The following TRRAP variants were observed in gnomAD, a reference collection of about 807,000 sequenced individuals.
TRRAP encodes the protein transformation/transcription domain-associated protein.
Under a neutral mutation model 438.8 loss-of-function variants are expected in TRRAP, and 41 were observed. That is an observed-to-expected ratio of 0.09 (90% CI 0.07 to 0.12). The LOEUF is 0.12. Among genes scored for constraint, TRRAP ranks in the 10% least tolerant of loss-of-function variants. The pLI is 1.00. For missense variants in TRRAP, 3,122 were observed against 5,055.1 expected, an observed-to-expected ratio of 0.62 and a Z score of 11.60; for synonymous variants, 1,994 against 1,962.9, an observed-to-expected ratio of 1.02 and a Z score of -0.42.
chr7:98,914,863 G>A (rs1037844666), intron 18 of TRRAP, among the ~76,000 whole-genome samples: 1 of 151,134 alleles, frequency 6.6e-6, no homozygotes, highest in African/African-American at 2.4e-5. Context: ...AATATATTCT[G>A]CCATATACCA....
chr7:98,891,656 C>G (rs1312033798), intron 4 of TRRAP, among the ~76,000 whole-genome samples: 6 of 151,814 alleles, frequency 4.0e-5, no homozygotes, highest in Non-Finnish European at 7.4e-5. Flanking sequence ...CTGCCTCAGC[C>G]TCCCGAGTAG....
chr7:98,965,661 A>G, intron 48 of TRRAP, 35 bp from the exon 49 acceptor site: 1 of 1,612,292 alleles, frequency 6.2e-7, no homozygotes, highest in Non-Finnish European at 8.5e-7. Flanking sequence ...CAACGTTTAG[A>G]GACCCGTGGG....
At chr7:98,890,076 A>G (rs1182202748) in intron 3 of TRRAP, among the ~76,000 whole-genome samples, 1 of 152,210 alleles carries the variant, frequency 6.6e-6, no homozygotes, top group East Asian at 1.9e-4. Context: ...AAGCTAGTAC[A>G]GGTTCCAGGT....
chr7:98,953,469 C>T (rs782146298), intron 40 of TRRAP, 36 bp downstream of exon 40: 7 of 1,596,816 alleles, frequency 4.4e-6, no homozygotes, highest in African/African-American at 2.7e-5. Flanking sequence ...CCGACATCAG[C>T]GTGAATCTCA....
intron 7 of TRRAP, among the ~76,000 whole-genome samples, chr7:98,896,564 C>T (rs1554405777): frequency 6.6e-6 from 1 of 151,722 alleles, no homozygotes; most frequent in East Asian, 1.9e-4. Flanking sequence ...CGTGCGGCAC[C>T]CACCCAGCTA....
intron 70 of TRRAP, 57 bp from the exon 71 acceptor site, chr7:99,010,995 C>G (rs1455792117): frequency 2.6e-6 from 4 of 1,540,634 alleles, no homozygotes; most frequent in Non-Finnish European, 3.5e-6. Context: ...GAGAATTTTT[C>G]TTTTCCAAAA....
At chr7:98,966,322 A>C (rs1305004662) in intron 49 of TRRAP, among the ~76,000 whole-genome samples, 1 of 152,096 alleles carries the variant, frequency 6.6e-6, no homozygotes, top group Non-Finnish European at 1.5e-5. Flanking sequence ...AAAAAAAGAA[A>C]GATGGATTTT....
chr7:98,977,947 A>G (rs796353058), intron 56 of TRRAP, among the ~76,000 whole-genome samples: 19 of 152,268 alleles, frequency 1.2e-4, no homozygotes, highest in African/African-American at 4.6e-4. Context: ...CAGGTCTGTG[A>G]TTCAGCCTGC....
At chr7:98,953,488 A>G in intron 40 of TRRAP, 55 bp downstream of exon 40, 14 of 1,588,054 alleles carry the variant, frequency 8.8e-6, no homozygotes, top group Non-Finnish European at 1.2e-5. Context: ...CACATGGTGC[A>G]CTTGGCTCCC....
At chr7:98,889,903 A>G (rs888305111) in intron 3 of TRRAP, among the ~76,000 whole-genome samples, 3 of 152,130 alleles carry the variant, frequency 2.0e-5, no homozygotes. Context: ...AATGGATTAG[A>G]TTAGATTATA....
chr7:98,943,172 G>C (rs1449100566), intron 31 of TRRAP, among the ~76,000 whole-genome samples, 155 bp downstream of exon 31: 2 of 152,188 alleles, frequency 1.3e-5, no homozygotes, highest in Non-Finnish European at 2.9e-5. Flanking sequence ...TTGGTATTCT[G>C]TTTTGCCTAT....
In TRRAP at chr7:98,959,328, T is replaced by C. The variant is rs763821409; in HGVS notation, c.6343-16T>C. 7 of 1,612,302 alleles carry C rather than the reference T, an allele frequency of 4.3e-6. No individual in the cohort carries two copies. In the African/African-American group the frequency reaches 9.4e-5, roughly 22 times the overall value. ...GATGCAGTGAAATGCCGGCTGTAAC[T>C]CGGATGAATTCCTAGGTTAATGACA... On this transcript the variant is annotated splice_polypyrimidine_tract_variant and intron_variant, in intron 44 of 72. Transcript: ENST00000456197.
rs113639765 is a variant in TRRAP, at chr7:98,985,607, G to A, written c.9389+563G>A. ...CAAACCCTGGTTTAGAGAAGTAAAC[G>A]TCAGAGGAGATTTTGTAAATATCAT... On this transcript the variant is annotated intron_variant, in intron 62 of 72. Coordinates refer to ENST00000456197, the MANE Select transcript of TRRAP (RefSeq NM_001375524.1). 9.4e-3 allele frequency among the ~76,000 whole-genome samples: 1,436 copies of A among 152,318 alleles called. 10 individuals carry two copies. Among genetic ancestry groups the A allele is most frequent in the Non-Finnish European group, 0.015 (1,042 of 68,028 alleles).
chr7:98,901,793 C>T (rs1173755574), intron 11 of TRRAP, among the ~76,000 whole-genome samples: 3 of 152,218 alleles, frequency 2.0e-5, no homozygotes, highest in Non-Finnish European at 4.4e-5. Flanking sequence ...AAGTGATCTG[C>T]CCACCTCAGC....
At position 98,912,093 on chromosome 7, in the gene TRRAP, C is replaced by T. The variant is rs1163900906; in HGVS notation, c.2079C>T (p.Leu693=). ...TTGCTACGATTCTGGTGGAATATCTCCTTGATCGCCTGCCAGAAATGGGCT... is the reference window on the plus strand; with the variant it reads ...TTGCTACGATTCTGGTGGAATATCTTCTTGATCGCCTGCCAGAAATGGGCT... ...ALFATILVEY[L]LDRLPEMGSN... Residue 693 remains leucine (L), a synonymous_variant, in exon 18 of 73, where the codon CTC becomes CTT. Coordinates refer to ENST00000456197, the MANE Select transcript of TRRAP (RefSeq NM_001375524.1). 11 of 1,614,180 alleles carry T rather than the reference C, an allele frequency of 6.8e-6. No homozygotes were observed. Among genetic ancestry groups the T allele is most frequent in the African/African-American group, 1.3e-5 (1 of 75,048 alleles).
At chr7:98,937,012 GA>G (rs1790587001) in intron 28 of TRRAP, 143 bp from the exon 29 acceptor site, 1 of 1,063,904 alleles carries the variant, frequency 9.4e-7, no homozygotes, top group Non-Finnish European at 1.2e-6. Context: ...AGAATCCCTT[GA>G]GGCCAGGAGT....
intron 33 of TRRAP, among the ~76,000 whole-genome samples, chr7:98,946,603 TATGCACACACACCACAC>T (rs1420086631): frequency 3.5e-5 from 4 of 114,212 alleles, no homozygotes; most frequent in African/African-American, 7.0e-5. Context: ...ACACAACACA[TATGCACACACACCACAC>T]ATGCACACAC....
At chr7:98,995,075 G>A (rs146440491) in intron 67 of TRRAP, among the ~76,000 whole-genome samples, 186 of 152,276 alleles carry the variant, frequency 1.2e-3, no homozygotes, top group African/African-American at 4.2e-3. Flanking sequence ...TCCAAGACGG[G>A]GTAGAAAATG....
chr7:98,936,688 C>A (rs1584333061), intron 28 of TRRAP, among the ~76,000 whole-genome samples: 1 of 152,200 alleles, frequency 6.6e-6, no homozygotes, highest in African/African-American at 2.4e-5. Context: ...CCAGCCACCC[C>A]ATTACCCTAT....
Sources: gnomAD v4.1 joint callset for allele counts (sites outside exome capture counted in the v4.1 genomes callset) on GRCh38, gnomAD v4.1.1 for gene constraint, MANE v1.5 for transcripts, NCBI Gene and HGNC (gene_info 2026-07-23, HGNC 2026-07-21) for gene names.